ARMC9: variants seen among roughly 807,000 people sequenced by gnomAD.
ARMC9 encodes armadillo repeat containing 9.
A neutral mutation model predicts 107.0 loss-of-function variants in ARMC9; 94 were observed. The observed-to-expected ratio is 0.88, with a 90% CI of 0.74 to 1.04. The LOEUF is 1.04. Among genes scored for constraint, ARMC9 ranks in the 50% least tolerant of loss-of-function variants. The probability of loss-of-function intolerance (pLI) is 0.00; values close to 1 mark genes in which losing one functional copy is unlikely to be tolerated. For synonymous variants in ARMC9, 380 were observed against 396.9 expected (o/e 0.96, Z 0.51); for missense variants, 942 against 1,030.1 (o/e 0.91, Z 1.17).
chr2:231,242,046 C>T (rs2036348561), intron 9 of ARMC9, among the ~76,000 whole-genome samples: 1 of 152,156 alleles, frequency 6.6e-6, no homozygotes, highest in Admixed American at 6.5e-5. Flanking sequence ...AAGTCCGCCA[C>T]ATGTGGCTGA....
intron 19 of ARMC9, among the ~76,000 whole-genome samples, chr2:231,310,459 A>G (rs1229723511): frequency 4.1e-5 from 5 of 120,644 alleles, no homozygotes; most frequent in Non-Finnish European, 3.4e-5. Context: ...GGGCGGGTGC[A>G]ATGGCTCACG....
Position 231,278,412 on chromosome 2 carries a change from T to A in ARMC9, c.1505T>A (p.Leu502His). ...AACATGTGTGCCAAGGTGGCAGGCC[T>A]CGTGCTCAAAGTCCTTTCGGATCTT... is the stretch of plus-strand genomic sequence containing the variant. ...GKNMCAKVAG[L>H]VLKVLSDLLG... Residue 502 changes from leucine to histidine, a missense_variant, in exon 16 of 25, where the codon CTC becomes CAC. Leu to His is a moderately conservative substitution (Grantham distance 99). Coordinates refer to ENST00000611582, the MANE Select transcript of ARMC9 (RefSeq NM_001352754.2). 1 of 1,614,142 alleles carries A rather than the reference T, an allele frequency of 6.2e-7. No individual in the cohort carries two copies. Among genetic ancestry groups the A allele is most frequent in the South Asian group, 1.1e-5 (1 of 91,080 alleles).
At position 231,359,675 on chromosome 2, in the gene ARMC9, A is replaced by G. The variant is rs367976686; in HGVS notation, c.2132-1079A>G. Among the ~76,000 whole-genome samples the G allele has an allele frequency of 5.9e-5, 9 of 152,248 alleles. No homozygotes were observed. In the South Asian group the frequency reaches 1.7e-3, roughly 28 times the overall value. On this transcript the variant is annotated intron_variant, in intron 22 of 24. Transcript: ENST00000611582. ...CAGCAATTCGGTGTGACTTCACTCA[A>G]GTATTCTCTTGTACACCTACGCTTT...
At chr2:231,344,887 GTAGTT>G in intron 20 of ARMC9, 83 bp from the exon 21 acceptor site, 1 of 1,198,188 alleles carries the variant, frequency 8.3e-7, no homozygotes, top group Non-Finnish European at 1.2e-6. Flanking sequence ...TCATTATAGA[GTAGTT>G]TATTCAGTGT....
intron 1 of ARMC9, among the ~76,000 whole-genome samples, chr2:231,203,312 C>T (rs2031385813): frequency 6.6e-6 from 1 of 152,186 alleles, no homozygotes; most frequent in South Asian, 2.1e-4. Context: ...TACTCTTCGG[C>T]CAGCTGCTCA....
At chr2:231,226,964 T>C (rs1160327124) in intron 7 of ARMC9, among the ~76,000 whole-genome samples, 166 bp downstream of exon 7, 1 of 152,064 alleles carries the variant, frequency 6.6e-6, no homozygotes, top group East Asian at 1.9e-4. Context: ...TTGAGGCCCA[T>C]TTTCGGGAGG....
At chr2:231,224,784 GATGTAATTCTCTTAGCC>G (rs1252232272) in intron 6 of ARMC9, among the ~76,000 whole-genome samples, 1 of 152,208 alleles carries the variant, frequency 6.6e-6, no homozygotes, top group African/African-American at 2.4e-5. Context: ...AAAAGGCCAA[GATGTAATTCTCTTAGCC>G]AAACTGGAGC....
At chr2:231,205,582 A>C (rs985461639) in intron 1 of ARMC9, among the ~76,000 whole-genome samples, 18 of 152,246 alleles carry the variant, frequency 1.2e-4, no homozygotes, top group African/African-American at 2.9e-4. Context: ...GTACACCTTG[A>C]GGGAGGGCTA....
chr2:231,251,604 A>T (rs539652775), intron 9 of ARMC9, among the ~76,000 whole-genome samples: 1 of 152,300 alleles, frequency 6.6e-6, no homozygotes, highest in East Asian at 1.9e-4. Context: ...GAGTGCTCTG[A>T]GAAGGGCATT....
intron 23 of ARMC9, among the ~76,000 whole-genome samples, chr2:231,361,971 G>C (rs1339568971): frequency 1.3e-5 from 2 of 152,188 alleles, no homozygotes; most frequent in Non-Finnish European, 2.9e-5. Context: ...GGATGGGCTA[G>C]AAGCCGAAAT....
At chr2:231,314,794 T>A (rs918822359) in intron 19 of ARMC9, among the ~76,000 whole-genome samples, 5 of 152,358 alleles carry the variant, frequency 3.3e-5, no homozygotes, top group African/African-American at 1.2e-4. Context: ...TTAACTCCTA[T>A]GTTTAGGTAT....
chr2:231,237,092 A>G (rs2035781776), intron 8 of ARMC9, among the ~76,000 whole-genome samples: 2 of 152,360 alleles, frequency 1.3e-5, no homozygotes, highest in South Asian at 2.1e-4. Context: ...CTCCTTCACC[A>G]CAATGCTGTA....
intron 3 of ARMC9, among the ~76,000 whole-genome samples, chr2:231,210,409 C>T (rs1377190858): frequency 3.3e-5 from 5 of 152,342 alleles, no homozygotes; most frequent in African/African-American, 1.2e-4. Context: ...ATCAGCTTCA[C>T]TCCCCAGCAC....
chr2:231,322,208 C>T (rs1211401940), intron 19 of ARMC9, among the ~76,000 whole-genome samples: 1 of 152,260 alleles, frequency 6.6e-6, no homozygotes, highest in Admixed American at 6.5e-5. Flanking sequence ...CATCTGCAGT[C>T]GTGGGCACGT....
At position 231,345,026 on chromosome 2, in the gene ARMC9, T is replaced by C. The variant is rs2044735754; in HGVS notation, c.1930T>C (p.Trp644Arg). ...TRRKGLANVQ[W>R]SGDEPLQRPV... ...GCGGAAGGGGCTGGCTAATGTGCAG[T>C]GGAGCGGGGATGAGCCCCTGCAAAG... The change falls in exon 21 of 25, where the codon TGG (tryptophan) becomes CGG (arginine). Residue 644 changes from tryptophan to arginine, a missense_variant. By Grantham distance (101) the Trp-to-Arg change is moderately radical (BLOSUM62 -3). Transcript: ENST00000611582. 6.2e-6 allele frequency: 10 copies of C among 1,614,042 alleles called. No individual in the cohort carries two copies. Among genetic ancestry groups the C allele is most frequent in the East Asian group, 2.2e-5 (1 of 44,880 alleles).
intron 20 of ARMC9, 139 bp downstream of exon 20, chr2:231,332,036 G>A (rs2043776936): frequency 1.4e-6 from 1 of 712,518 alleles, no homozygotes; most frequent in Non-Finnish European, 2.4e-6. Flanking sequence ...ATGTTAGCCA[G>A]TCTGCTCTCA....
At chr2:231,345,784 A>C (rs1278450125) in intron 21 of ARMC9, among the ~76,000 whole-genome samples, 1 of 152,236 alleles carries the variant, frequency 6.6e-6, no homozygotes, top group Non-Finnish European at 1.5e-5. Flanking sequence ...ATATTCATTC[A>C]ACAAATAATG....
chr2:231,211,522 G>C (rs1387692217), intron 3 of ARMC9, among the ~76,000 whole-genome samples: 1 of 151,402 alleles, frequency 6.6e-6, no homozygotes, highest in African/African-American at 2.4e-5. Flanking sequence ...AAAAAAGTGA[G>C]ACTTTGTCTC....
At chr2:231,290,473 T>C (rs1037541822) in intron 17 of ARMC9, among the ~76,000 whole-genome samples, 6 of 152,234 alleles carry the variant, frequency 3.9e-5, no homozygotes, top group African/African-American at 1.4e-4. Flanking sequence ...TCCGTTTCTC[T>C]GGCAGTACTT....
Sources: gnomAD v4.1 joint callset for allele counts (sites outside exome capture counted in the v4.1 genomes callset) on GRCh38, gnomAD v4.1.1 for gene constraint, MANE v1.5 for transcripts, NCBI Gene and HGNC (gene_info 2026-07-23, HGNC 2026-07-21) for gene names.